Variants in IGF2BP3 observed in about 807,000 individuals in gnomAD.
The protein encoded by IGF2BP3 is insulin-like growth factor 2 mRNA-binding protein 3.
Under a neutral mutation model 73.8 loss-of-function variants are expected in IGF2BP3, and 9 were observed. That is an observed-to-expected ratio of 0.12 (90% confidence interval 0.07 to 0.21). The LOEUF is 0.21. IGF2BP3 is among the 10% of genes least tolerant of loss of function. The pLI is 1.00. For missense variants in IGF2BP3, 542 were observed against 714.0 expected (o/e 0.76, Z 2.75); for synonymous variants, 258 against 256.7 (o/e 1.01, Z -0.05).
At chr7:23,361,651 TC>T in intron 4 of IGF2BP3, 38 bp downstream of exon 4, 1 of 1,613,444 alleles carries the variant, frequency 6.2e-7, no homozygotes, top group Non-Finnish European at 8.5e-7. Flanking sequence ...TCTACTTCCT[TC>T]CTTTTACAAA....
chr7:23,395,786 C>T (rs1282774994), intron 3 of IGF2BP3, among the ~76,000 whole-genome samples: 1 of 151,776 alleles, frequency 6.6e-6, no homozygotes, highest in East Asian at 1.9e-4. Flanking sequence ...ATTAGCTGGG[C>T]GTGGTGACAG....
At position 23,312,127 on chromosome 7, in the gene IGF2BP3, C is replaced by CA; in HGVS notation, c.*234_*235insT. 1 of 450,704 alleles carries CA rather than the reference C, an allele frequency of 2.2e-6. No homozygotes were observed. 27.9% of individuals were successfully genotyped at this position (450,704 alleles called of 1,614,324 possible). A position where few individuals can be genotyped will look rare whatever the true frequency, so the allele number is the denominator to read the frequency against. ...CTTCTCTTTCCCTCCCTCCCCCACC[C>CA]TTTTTTTGTTTGTTTGTTTGTTTGT... On this transcript the variant is annotated 3_prime_UTR_variant, in exon 15 of 15. Transcript: ENST00000258729.
intron 8 of IGF2BP3, 138 bp downstream of exon 8, chr7:23,345,802 T>C: frequency 2.1e-6 from 2 of 974,090 alleles, no homozygotes; most frequent in Non-Finnish European, 3.0e-6. Flanking sequence ...GGCAGCAAGC[T>C]GTATTTGAGA....
In IGF2BP3 at chr7:23,351,469, C is replaced by T. The variant is rs1784959198; in HGVS notation, c.519G>A (p.Gly173=). The T allele has an allele frequency of 3.1e-6, 5 of 1,613,654 alleles. No individual in the cohort carries two copies. Among genetic ancestry groups the T allele is most frequent in the Non-Finnish European group, 4.2e-6 (5 of 1,179,822 alleles). The change falls in exon 6 of 15, where the codon GGG becomes GGA. Residue 173 remains glycine (G), a synonymous_variant. Transcript: ENST00000258729. ...NPLQQPRGRR[G]LGQRGSSRQG... The stretch of plus-strand genomic sequence containing the variant: ...GCCTTGAGGAGCCCCTCTGCCCAAG[C>T]CCCCGGCGACCTCGGGGCTGCTGCA...
In IGF2BP3 at chr7:23,347,585, ATCT is replaced by A. The variant is rs1325839473; in HGVS notation, c.818+12_818+14del. On this transcript the variant is annotated intron_variant, in intron 7 of 14. Transcript: ENST00000258729. ...AAATATCAACCTCTTTCACAGGACAATCTTCTTTACTCACAATTTTATATCTTG... is the reference window on the plus strand; with the variant it reads ...AAATATCAACCTCTTTCACAGGACAATCTTTACTCACAATTTTATATCTTG... The A allele has an allele frequency of 1.2e-6, 2 of 1,610,020 alleles. No homozygotes were observed. The highest frequency in any genetic ancestry group is 1.3e-5 in the African/African-American group (1 of 74,680).
intron 10 of IGF2BP3, among the ~76,000 whole-genome samples, chr7:23,321,092 C>G (rs983194390): frequency 5.9e-5 from 9 of 152,266 alleles, no homozygotes; most frequent in African/African-American, 2.2e-4. Context: ...ATAGGAACAG[C>G]TCCAGTCTAC....
intron 10 of IGF2BP3, among the ~76,000 whole-genome samples, chr7:23,339,496 C>G (rs992561454): frequency 2.0e-5 from 3 of 152,196 alleles, no homozygotes; most frequent in African/African-American, 7.2e-5. Context: ...TAGTTACCTA[C>G]AAGTTCACTC....
chr7:23,362,986 C>G (rs780227049), intron 3 of IGF2BP3, among the ~76,000 whole-genome samples: 1 of 151,236 alleles, frequency 6.6e-6, no homozygotes, highest in Admixed American at 6.6e-5. Flanking sequence ...AACTCCTGAG[C>G]TCAAGGGATC....
intron 3 of IGF2BP3, among the ~76,000 whole-genome samples, chr7:23,366,156 T>TA (rs888034691): frequency 1.3e-5 from 2 of 151,908 alleles, no homozygotes; most frequent in African/African-American, 4.8e-5. Context: ...TTTTTTTTTT[T>TA]AGACAGAGTC....
intron 2 of IGF2BP3, among the ~76,000 whole-genome samples, chr7:23,440,973 CA>C (rs1471021631): frequency 1.3e-5 from 2 of 152,102 alleles, no homozygotes; most frequent in Admixed American, 6.6e-5. Context: ...CCTATGTTTA[CA>C]ACTTTAGGTA....
chr7:23,378,388 ATTTC>A (rs1326066637), intron 3 of IGF2BP3, among the ~76,000 whole-genome samples: 1 of 122,472 alleles, frequency 8.2e-6, no homozygotes, highest in East Asian at 2.2e-4. Flanking sequence ...GAAAATAGAC[ATTTC>A]TCTTCTTGGT....
chr7:23,336,620 T>G (rs1460526374), intron 10 of IGF2BP3, among the ~76,000 whole-genome samples: 1 of 152,014 alleles, frequency 6.6e-6, no homozygotes, highest in African/African-American at 2.4e-5. Context: ...AACGCCTGGT[T>G]GTTATCATTG....
intron 10 of IGF2BP3, 38 bp from the exon 11 acceptor site, chr7:23,319,292 G>A: frequency 7.4e-7 from 1 of 1,351,898 alleles, no homozygotes; most frequent in Non-Finnish European, 1.1e-6. Context: ...ATGTTTATTT[G>A]CTACAAATCA....
chr7:23,331,081 G>C (rs993573984), intron 10 of IGF2BP3, among the ~76,000 whole-genome samples: 1 of 152,228 alleles, frequency 6.6e-6, no homozygotes, highest in Non-Finnish European at 1.5e-5. Context: ...TTACAGGCAT[G>C]AGCCACTGCG....
intron 10 of IGF2BP3, among the ~76,000 whole-genome samples, chr7:23,322,931 T>C (rs1046846108): frequency 2.1e-4 from 32 of 151,946 alleles, no homozygotes; most frequent in Non-Finnish European, 4.4e-4. Flanking sequence ...GCGCTAAACA[T>C]GGAAAGGAAC....
At chr7:23,455,572 A>C (rs1788296267) in intron 2 of IGF2BP3, among the ~76,000 whole-genome samples, 2 of 152,194 alleles carry the variant, frequency 1.3e-5, no homozygotes, top group South Asian at 4.1e-4. Flanking sequence ...CACCTTTAGG[A>C]TCACTACCAC....
At chr7:23,423,781 A>T (rs1326813023) in intron 2 of IGF2BP3, among the ~76,000 whole-genome samples, 1 of 152,180 alleles carries the variant, frequency 6.6e-6, no homozygotes, top group Non-Finnish European at 1.5e-5. Context: ...GGAAAAAAAA[A>T]ACAAAAACCC....
At chr7:23,405,420 T>C (rs904231251) in intron 3 of IGF2BP3, among the ~76,000 whole-genome samples, 6 of 152,234 alleles carry the variant, frequency 3.9e-5, no homozygotes, top group African/African-American at 1.4e-4. Flanking sequence ...GCTTCTTTTT[T>C]TCCCTCTGCT....
At chr7:23,375,979 C>T (rs927102673) in intron 3 of IGF2BP3, among the ~76,000 whole-genome samples, 1 of 152,170 alleles carries the variant, frequency 6.6e-6, no homozygotes, top group Non-Finnish European at 1.5e-5. Flanking sequence ...CCGACTTATG[C>T]TATAGAATTG....
Sources: gnomAD v4.1 joint callset for allele counts (sites outside exome capture counted in the v4.1 genomes callset) on GRCh38, gnomAD v4.1.1 for gene constraint, MANE v1.5 for transcripts, NCBI Gene and HGNC (gene_info 2026-07-23, HGNC 2026-07-21) for gene names.